Variants in CLSTN1 observed in about 807,000 individuals in gnomAD.
CLSTN1 encodes calsyntenin-1.
In CLSTN1, 28 loss-of-function variants were observed where a neutral mutation model predicts 108.3. That is an observed-to-expected ratio of 0.26 (90% confidence interval 0.19 to 0.35). CLSTN1 has a LOEUF of 0.35. Among genes scored for constraint, CLSTN1 ranks in the 10% least tolerant of loss-of-function variants. The pLI, the probability that CLSTN1 is intolerant of heterozygous loss-of-function variation, is 1.00. For synonymous variants in CLSTN1, 524 were observed against 534.9 expected (o/e 0.98, Z 0.28); for missense variants, 1,157 against 1,302.6 (o/e 0.89, Z 1.72).
chr1:9,801,464 TTG>T (rs1654260211), intron 1 of CLSTN1, among the ~76,000 whole-genome samples: 1 of 152,224 alleles, frequency 6.6e-6, no homozygotes, highest in African/African-American at 2.4e-5. Context: ...CACTGGTGAA[TTG>T]TACCAAACAT....
chr1:9,813,871 G>A (rs762463135), intron 1 of CLSTN1, among the ~76,000 whole-genome samples: 3 of 151,480 alleles, frequency 2.0e-5, no homozygotes, highest in Non-Finnish European at 2.9e-5. Flanking sequence ...AGGCCAAGGC[G>A]GGAGGATCAC....
At chr1:9,731,732 T>G in intron 17 of CLSTN1, 29 bp downstream of exon 17, 3 of 1,613,494 alleles carry the variant, frequency 1.9e-6, no homozygotes, top group Non-Finnish European at 2.5e-6. Context: ...ATGGAGCATC[T>G]CCGCTTGGTC....
At chr1:9,755,849 A>C (rs1651781243) in intron 3 of CLSTN1, among the ~76,000 whole-genome samples, 1 of 152,218 alleles carries the variant, frequency 6.6e-6, no homozygotes, top group African/African-American at 2.4e-5. Context: ...AGCCTGGCTA[A>C]AATTAGGGAA....
chr1:9,776,877 T>TCTATCTAC (rs1448816420), intron 1 of CLSTN1, among the ~76,000 whole-genome samples: 2 of 148,508 alleles, frequency 1.3e-5, no homozygotes, highest in East Asian at 3.9e-4. Context: ...TATCTATCTA[T>TCTATCTAC]CTATCTATCT....
At position 9,761,665 on chromosome 1, in the gene CLSTN1, T is replaced by C. The variant is rs187372959; in HGVS notation, c.215-5155A>G. On this transcript the variant is annotated intron_variant, in intron 2 of 18. Coordinates refer to ENST00000377298, the MANE Select transcript of CLSTN1 (RefSeq NM_001009566.3). ...GCCCTCACTTTCCTCATCTGTGCCTTTGACAAACCCCAGCTTTAGGCTGGC... is the reference window on the plus strand; with the variant it reads ...GCCCTCACTTTCCTCATCTGTGCCTCTGACAAACCCCAGCTTTAGGCTGGC... Among the ~76,000 whole-genome samples, 131 of 152,276 alleles carry C rather than the reference T, an allele frequency of 8.6e-4. 1 individual carries two copies. The highest frequency in any genetic ancestry group is 3.1e-3 in the African/African-American group (128 of 41,558).
intron 7 of CLSTN1, among the ~76,000 whole-genome samples, chr1:9,746,610 A>G (rs1227763107): frequency 6.6e-6 from 1 of 151,988 alleles, no homozygotes; most frequent in Non-Finnish European, 1.5e-5. Context: ...GCTACTTGGG[A>G]GGCTGAGGTG....
intron 1 of CLSTN1, among the ~76,000 whole-genome samples, chr1:9,795,003 A>G (rs985506557): frequency 6.7e-6 from 1 of 149,530 alleles, no homozygotes; most frequent in Non-Finnish European, 1.5e-5. Context: ...TGTCTAATAA[A>G]TCCATGAAGG....
rs755786179 is a variant in CLSTN1 at position 9,773,320 on chromosome 1, C to T, written c.166G>A (p.Asp56Asn). ...VTENDNTVLL[D>N]PPLIALDKDA... The stretch of plus-strand genomic sequence containing the variant: ...TTATCCAGCGCGATCAGTGGGGGGT[C>T]GAGGAGCACGGTGTTGTCGTTCTCT... Residue 56 changes from aspartate to asparagine, a missense_variant, in exon 2 of 19, where the codon GAC (aspartate) becomes AAC (asparagine). Asp to Asn is a conservative substitution (Grantham distance 23, BLOSUM62 1). Transcript: ENST00000377298. The T allele has an allele frequency of 1.1e-5, 18 of 1,613,938 alleles. No individual in the cohort carries two copies. The East Asian group carries it at 1.3e-4, about 12-fold the overall frequency.
chr1:9,774,044 A>C (rs1214775114), intron 1 of CLSTN1, among the ~76,000 whole-genome samples: 1 of 151,918 alleles, frequency 6.6e-6, no homozygotes, highest in African/African-American at 2.4e-5. Flanking sequence ...ACCTGGCCCC[A>C]GTATTATTAT....
At chr1:9,735,646 G>A (rs763920830) in intron 12 of CLSTN1, 31 bp from the exon 13 acceptor site, 9 of 1,612,824 alleles carry the variant, frequency 5.6e-6, no homozygotes, top group Non-Finnish European at 7.6e-6. Flanking sequence ...GAGAGGAGAA[G>A]AATAAGCCAG....
At chr1:9,796,825 G>A (rs1471233413) in intron 1 of CLSTN1, among the ~76,000 whole-genome samples, 1 of 152,196 alleles carries the variant, frequency 6.6e-6, no homozygotes, top group Non-Finnish European at 1.5e-5. Context: ...GGTTGGCTCT[G>A]TTCAACCATT....
chr1:9,814,755 T>A (rs1295383847), intron 1 of CLSTN1, among the ~76,000 whole-genome samples: 3 of 151,232 alleles, frequency 2.0e-5, no homozygotes, highest in Non-Finnish European at 3.0e-5. Context: ...ACAAAAATTT[T>A]AAAATTAGCC....
intron 2 of CLSTN1, among the ~76,000 whole-genome samples, chr1:9,772,015 C>T (rs1372942842): frequency 2.0e-5 from 3 of 150,012 alleles, no homozygotes; most frequent in East Asian, 2.0e-4. Context: ...CTCACTCTGT[C>T]GCCCAGGCTG....
intron 2 of CLSTN1, among the ~76,000 whole-genome samples, chr1:9,771,772 T>C (rs564299828): frequency 2.6e-5 from 4 of 152,308 alleles, no homozygotes; most frequent in East Asian, 3.9e-4. Flanking sequence ...TGGGAGGCTC[T>C]ATCTTTACAG....
chr1:9,776,862 T>TTACC (rs139196810), intron 1 of CLSTN1, among the ~76,000 whole-genome samples: 16 of 140,124 alleles, frequency 1.1e-4, no homozygotes, highest in African/African-American at 3.3e-4. Flanking sequence ...CTATCAGCAT[T>TTACC]TATCTATCTA....
At chr1:9,756,593 C>T (rs1261478531) in intron 2 of CLSTN1, 83 bp from the exon 3 acceptor site, 7 of 1,110,328 alleles carry the variant, frequency 6.3e-6, no homozygotes, top group Non-Finnish European at 8.0e-6. Flanking sequence ...GTCAAAGGTG[C>T]ACATATTACA....
rs555331320 is a variant in CLSTN1, at chr1:9,789,224, T to C, written c.92-15830A>G. On this transcript the variant is annotated intron_variant, in intron 1 of 18. Coordinates refer to ENST00000377298, the MANE Select transcript of CLSTN1 (RefSeq NM_001009566.3). ...CTGGATCATACGGTGATTCTATCTT[T>C]AGGGTGATTGTATCTTTGTGTTTTG... Among the ~76,000 whole-genome samples the C allele has an allele frequency of 4.6e-5, 7 of 151,396 alleles. 1 individual carries two copies. The highest frequency in any genetic ancestry group is 5.9e-5 in the Non-Finnish European group (4 of 68,026).
At chr1:9,740,929 G>A (rs887279008) in intron 10 of CLSTN1, among the ~76,000 whole-genome samples, 165 bp downstream of exon 10, 1 of 152,162 alleles carries the variant, frequency 6.6e-6, no homozygotes, top group African/African-American at 2.4e-5. Flanking sequence ...AGCTAGAGTG[G>A]GGTAACGGCA....
intron 1 of CLSTN1, among the ~76,000 whole-genome samples, chr1:9,779,124 A>C (rs1653116265): frequency 6.6e-6 from 1 of 151,946 alleles, no homozygotes; most frequent in Non-Finnish European, 1.5e-5. Flanking sequence ...TGCCGGCAGG[A>C]GGTATGTGTG....
Sources: allele counts gnomAD v4.1 joint callset (sites outside exome capture counted in the v4.1 genomes callset), GRCh38; gene constraint gnomAD v4.1.1; transcripts MANE v1.5; gene names NCBI Gene and HGNC (gene_info 2026-07-23, HGNC 2026-07-21).